Variants in EIF4A2 observed in about 807,000 individuals in gnomAD.
The protein encoded by EIF4A2 is eukaryotic initiation factor 4A-II.
Under a neutral mutation model 50.6 loss-of-function variants are expected in EIF4A2, and 9 were observed. The ratio of observed to expected loss-of-function variants is 0.18; its 90% CI spans 0.11 to 0.31. EIF4A2 has a LOEUF of 0.31. EIF4A2 is among the 10% of genes least tolerant of loss of function. The pLI, the probability that EIF4A2 is intolerant of heterozygous loss-of-function variation, is 1.00. For missense variants in EIF4A2, 182 were observed against 501.8 expected (o/e 0.36, Z 6.09); for synonymous variants, 215 against 164.4 (o/e 1.31, Z -2.35).
intron 10 of EIF4A2, chr3:186,788,306 AC>A: frequency 7.7e-7 from 1 of 1,291,128 alleles, no homozygotes; most frequent in Non-Finnish European, 1.0e-6. Context: ...TTTAAAAAAT[AC>A]AGGAGTCGAT....
At chr3:186,787,758 C>T in intron 9 of EIF4A2, 45 bp from the exon 10 acceptor site, 1 of 1,613,150 alleles carries the variant, frequency 6.2e-7, no homozygotes, top group South Asian at 1.1e-5. Context: ...TGACAGGTGT[C>T]AAGTTTTTTT....
rs2108464225 is a variant in EIF4A2 at position 186,789,339 on chromosome 3, TTC to T, written c.*72_*73del. 1 of 1,522,304 alleles carries T rather than the reference TTC, an allele frequency of 6.6e-7. No homozygotes were observed. The highest frequency in any genetic ancestry group is 2.2e-5 in the Admixed American group (1 of 46,482). 94.3% of individuals were successfully genotyped at this position (1,522,304 alleles called of 1,614,324 possible). A position where few individuals can be genotyped will look rare whatever the true frequency, so the allele number is the denominator to read the frequency against. ...TAGGCGATCACAACGTGCATTGTGCTTCTTTCTTTGGGAATATTTGAATCTTG... is the reference window on the plus strand; with the variant it reads ...TAGGCGATCACAACGTGCATTGTGCTTTTCTTTGGGAATATTTGAATCTTG... On this transcript the variant is annotated 3_prime_UTR_variant, in exon 11 of 11. Transcript: ENST00000323963.
intron 3 of EIF4A2, 106 bp downstream of exon 3, chr3:186,784,802 A>C: frequency 6.2e-7 from 1 of 1,601,240 alleles, no homozygotes; most frequent in Non-Finnish European, 8.5e-7. Context: ...CTTAAAGTGA[A>C]ATGATGGCAA....
At chr3:186,783,800 CG>C in intron 1 of EIF4A2, 161 bp downstream of exon 1, 5 of 1,162,956 alleles carry the variant, frequency 4.3e-6, no homozygotes, top group Non-Finnish European at 6.3e-6. Context: ...GGGTAGGGCC[CG>C]GATTGTGGGG....
In EIF4A2 at chr3:186,785,083, C is replaced by G. The variant is rs11538617; in HGVS notation, c.330C>G (p.Thr110=). 6.2e-7 allele frequency: 1 copy of G among 1,614,172 alleles called. No individual in the cohort carries two copies. Among genetic ancestry groups the G allele is most frequent in the South Asian group, 1.1e-5 (1 of 91,080 alleles). The change falls in exon 4 of 11, where the codon ACC becomes ACG. Residue 110 remains threonine (T), a synonymous_variant. Coordinates refer to ENST00000323963, the MANE Select transcript of EIF4A2 (RefSeq NM_001967.4). ...CCCAAGCACTAGTATTGGCCCCCAC[C>G]AGAGAACTGGCTCAACAGGTATTGA... is the stretch of plus-strand genomic sequence containing the variant. ...KETQALVLAP[T]RELAQQIQKV... is the part of the protein sequence containing the mutation.
At chr3:186,788,080 G>C in intron 10 of EIF4A2, 198 bp downstream of exon 10, 1 of 725,058 alleles carries the variant, frequency 1.4e-6, no homozygotes, top group Non-Finnish European at 2.2e-6. Flanking sequence ...CCAGATTGTG[G>C]ACATAGGGTT....
chr3:186,789,292 T>C lies in EIF4A2; in HGVS notation c.*23T>C. On this transcript the variant is annotated 3_prime_UTR_variant, in exon 11 of 11. Transcript: ENST00000323963. ...TAATTCCTGGGATGAGAGTTTTGGA[T>C]GCAGTGCTCGCTGTTGCTGAATAGG... 1 of 1,597,930 alleles carries C rather than the reference T, an allele frequency of 6.3e-7. No homozygotes were observed. The highest frequency in any genetic ancestry group is 8.5e-7 in the Non-Finnish European group (1 of 1,172,300).
intron 3 of EIF4A2, 24 bp from the exon 4 acceptor site, chr3:186,784,938 A>C: frequency 6.2e-7 from 1 of 1,614,170 alleles, no homozygotes; most frequent in Non-Finnish European, 8.5e-7. Context: ...TGGGATCGGT[A>C]AATGTGTATC....
At chr3:186,787,632 G>C (rs780147325) in intron 9 of EIF4A2, 48 bp downstream of exon 9, 5 of 1,611,442 alleles carry the variant, frequency 3.1e-6, no homozygotes, top group Non-Finnish European at 4.2e-6. Flanking sequence ...TTAGCTTTTT[G>C]GGGGGCAGGT....
Position 186,784,552 on chromosome 3 carries a change from T to C in EIF4A2, c.76-12T>C. The C allele has an allele frequency of 6.2e-7, 1 of 1,614,204 alleles. No individual in the cohort carries two copies. The highest frequency in any genetic ancestry group is 8.5e-7 in the Non-Finnish European group (1 of 1,180,014). On this transcript the variant is annotated splice_polypyrimidine_tract_variant and intron_variant, in intron 2 of 10. Coordinates refer to ENST00000323963, the MANE Select transcript of EIF4A2 (RefSeq NM_001967.4). ...TCTCATTTATGCGTGCATTATTTTT[T>C]CTAACTTACAGAGCAACTGGAATGA...
chr3:186,785,874 G>C lies in EIF4A2; in HGVS notation c.349-9G>C. The C allele has an allele frequency of 6.3e-7, 1 of 1,584,788 alleles. No homozygotes were observed. The highest frequency in any genetic ancestry group is 8.6e-7 in the Non-Finnish European group (1 of 1,157,964). On this transcript the variant is annotated splice_polypyrimidine_tract_variant and intron_variant, in intron 4 of 10. Transcript: ENST00000323963. ...TTCTGCGGAATAATAATTAAGGCTT[G>C]GGTTTTAGATCCAAAAGGTAATTCT... is the stretch of plus-strand genomic sequence containing the variant.
chr3:186,785,298 ATAGATT>A, intron 4 of EIF4A2, 197 bp downstream of exon 4: 1 of 707,898 alleles, frequency 1.4e-6, no homozygotes, highest in Non-Finnish European at 2.2e-6. Flanking sequence ...TTGTATACTA[ATAGATT>A]GAGAATCCGA....
Position 186,789,311 on chromosome 3 carries a change from G to T in EIF4A2, c.*42G>T, listed in dbSNP as rs977522915. The T allele has an allele frequency of 1.0e-5, 16 of 1,577,110 alleles. No homozygotes were observed. Among genetic ancestry groups the T allele is most frequent in the Non-Finnish European group, 1.3e-5 (15 of 1,161,634 alleles). On this transcript the variant is annotated 3_prime_UTR_variant, in exon 11 of 11. Transcript: ENST00000323963. Reference sequence around the variant, plus strand: ...TTTGGATGCAGTGCTCGCTGTTGCTGAATAGGCGATCACAACGTGCATTGT... The same window carrying T: ...TTTGGATGCAGTGCTCGCTGTTGCTTAATAGGCGATCACAACGTGCATTGT...
At chr3:186,784,820 TCGGGAC>T in intron 3 of EIF4A2, 124 bp downstream of exon 3, 1 of 1,599,822 alleles carries the variant, frequency 6.3e-7, no homozygotes, top group African/African-American at 1.3e-5. Context: ...CAATCATCTT[TCGGGAC>T]TGACCTGAAA....
chr3:186,786,519 C>A lies in EIF4A2; in HGVS notation c.645C>A (p.Ala215=), dbSNP rs1721723887. 2 of 1,612,148 alleles carry A rather than the reference C, an allele frequency of 1.2e-6. No individual in the cohort carries two copies. Among genetic ancestry groups the A allele is most frequent in the African/African-American group, 2.7e-5 (2 of 74,846 alleles). The change falls in exon 7 of 11, where the codon GCC becomes GCA. Residue 215 remains alanine, a synonymous_variant. Coordinates refer to ENST00000323963, the MANE Select transcript of EIF4A2 (RefSeq NM_001967.4). ...NTSIQVVLLS[A]TMPTDVLEVT... ...TTTTTAAGGTTGTGTTGCTTTCTGC[C>A]ACAATGCCAACTGATGTGTTGGAAG...
chr3:186,787,742 C>A (rs772975074), intron 9 of EIF4A2, 61 bp from the exon 10 acceptor site: 8 of 1,605,012 alleles, frequency 5.0e-6, no homozygotes, highest in Non-Finnish European at 6.8e-6. Context: ...TATTTTGTGG[C>A]CTACATGACA....
chr3:186,785,799 C>T, intron 4 of EIF4A2, 84 bp from the exon 5 acceptor site: 3 of 1,505,962 alleles, frequency 2.0e-6, no homozygotes, highest in East Asian at 2.3e-5. Context: ...TGTTGGCAGA[C>T]CAGATTATAT....
rs1024119534 is a variant in EIF4A2 at position 186,788,885 on chromosome 3, T to C, written c.1080-240T>C. 4 of 480,594 alleles carry C rather than the reference T, an allele frequency of 8.3e-6. No homozygotes were observed. In the East Asian group the frequency reaches 1.5e-4, roughly 18 times the overall value. 29.8% of individuals were successfully genotyped at this position (480,594 alleles called of 1,614,324 possible). On this transcript the variant is annotated intron_variant, in intron 10 of 10. Transcript: ENST00000323963. ...GATACTGTCATCTGCTTTATAATAATGCTCAAGATGCCTGATAAAAATCTC... is the reference window on the plus strand; with the variant it reads ...GATACTGTCATCTGCTTTATAATAACGCTCAAGATGCCTGATAAAAATCTC...
In EIF4A2 at chr3:186,786,288, A is replaced by AC. The variant is rs771316701; in HGVS notation, c.627+21dup. On this transcript the variant is annotated intron_variant, in intron 6 of 10. Transcript: ENST00000323963. ...CAAGTATTCAGGTAAGCATTACTTC[A>AC]CCCCCCTCTTAAAGGTAGAGATGGG... 1.4e-5 allele frequency: 23 copies of AC among 1,604,954 alleles called. No individual in the cohort carries two copies. The highest frequency in any genetic ancestry group is 3.4e-5 in the Admixed American group (2 of 59,296).
Sources: gnomAD v4.1 joint callset for allele counts on GRCh38, gnomAD v4.1.1 for gene constraint, MANE v1.5 for transcripts, NCBI Gene and HGNC (gene_info 2026-07-23, HGNC 2026-07-21) for gene names.